Variants in BCAN observed in about 807,000 individuals in gnomAD.
The protein encoded by BCAN is brevican, also known as brevican core protein.
A neutral mutation model predicts 92.4 loss-of-function variants in BCAN; 51 were observed. That is an observed-to-expected ratio of 0.55 (90% confidence interval 0.44 to 0.70). The LOEUF (loss-of-function observed/expected upper bound fraction) is 0.70, where lower values mean the gene tolerates loss of function less well. Among genes scored for constraint, BCAN ranks in the 30% least tolerant of loss-of-function variants. BCAN has a pLI of 0.00. For missense variants in BCAN, 1,140 were observed against 1,212.1 expected (o/e 0.94, Z 0.88); for synonymous variants, 501 against 505.2 (o/e 0.99, Z 0.11).
rs552970953 is a variant in BCAN at position 156,658,448 on chromosome 1, T to C, written c.2438-95T>C. On this transcript the variant is annotated intron_variant, in intron 12 of 13. Coordinates refer to ENST00000329117, the MANE Select transcript of BCAN (RefSeq NM_021948.5). The surrounding 1 kb of genome is among the most constrained non-coding windows in gnomAD (Gnocchi z 4.4). ...CCACTCGGAATCCCTGATCTTTTTT[T>C]GTCATGTTGTGGCCCATTTTTCTCT... 2.7e-6 allele frequency: 4 copies of C among 1,494,442 alleles called. No homozygotes were observed. The highest frequency in any genetic ancestry group is 3.6e-6 in the Non-Finnish European group (4 of 1,110,988). 92.6% of individuals were successfully genotyped at this position (1,494,442 alleles called of 1,614,324 possible).
intron 11 of BCAN, 72 bp downstream of exon 11, chr1:156,657,829 C>T (rs1679389901): frequency 7.9e-7 from 1 of 1,268,138 alleles, no homozygotes. Context: ...ACCACCCCCA[C>T]CCCTCCCGAC....
Position 156,659,271 on chromosome 1 carries a change from A to G in BCAN, c.*137A>G, listed in dbSNP as rs1679452349. 1 of 680,956 alleles carries G rather than the reference A, an allele frequency of 1.5e-6. No individual in the cohort carries two copies. The highest frequency in any genetic ancestry group is 1.8e-5 in the African/African-American group (1 of 54,800). The allele number at this position is 680,956 out of a possible 1,614,324, so 42.2% of individuals were successfully genotyped here. A position where few individuals can be genotyped will look rare whatever the true frequency, so the allele number is the denominator to read the frequency against. On this transcript the variant is annotated 3_prime_UTR_variant, in exon 14 of 14. Coordinates refer to ENST00000329117, the MANE Select transcript of BCAN (RefSeq NM_021948.5). ...CTGGAGTCCAGGTGACAGTTCCTGAAGGGGCTTCTGGGAAATACCTAGGAG... is the reference window on the plus strand; with the variant it reads ...CTGGAGTCCAGGTGACAGTTCCTGAGGGGGCTTCTGGGAAATACCTAGGAG...
Position 156,647,503 on chromosome 1 carries a change from C to G in BCAN, c.467-5C>G. The stretch of plus-strand genomic sequence containing the variant: ...CCTGGCTCAGGGGTCCTCTCTGCCC[C>G]ACAGGGGTCGTCTTTCTCTACCGAG... On this transcript the variant is annotated splice_polypyrimidine_tract_variant and splice_region_variant and intron_variant, in intron 3 of 13. Coordinates refer to ENST00000329117, the MANE Select transcript of BCAN (RefSeq NM_021948.5). The surrounding 1 kb of genome is among the most constrained non-coding windows in gnomAD (Gnocchi z 4.8). 2 of 1,553,708 alleles carry G rather than the reference C, an allele frequency of 1.3e-6. No homozygotes were observed. The highest frequency in any genetic ancestry group is 1.7e-6 in the Non-Finnish European group (2 of 1,152,230).
chr1:156,651,792 C>A, intron 7 of BCAN, 103 bp downstream of exon 7: 2 of 1,063,704 alleles, frequency 1.9e-6, no homozygotes, highest in Non-Finnish European at 1.4e-6. Context: ...CATGACTCTG[C>A]CCTGTCCTTT....
intron 10 of BCAN, 91 bp from the exon 11 acceptor site, chr1:156,657,584 T>C: frequency 1.9e-6 from 2 of 1,033,052 alleles, no homozygotes; most frequent in South Asian, 1.5e-5. Context: ...CGGGGAAGGG[T>C]TTCCAAGGCA....
At chr1:156,655,750 T>C (rs999733345) in intron 8 of BCAN, among the ~76,000 whole-genome samples, 19 of 152,120 alleles carry the variant, frequency 1.2e-4, no homozygotes, top group African/African-American at 4.3e-4. Flanking sequence ...AGTCAAGGGA[T>C]ACCACCCTCC....
intron 2 of BCAN, 170 bp from the exon 3 acceptor site, chr1:156,646,631 C>G (rs1678974640): frequency 2.6e-6 from 3 of 1,173,562 alleles, no homozygotes; most frequent in African/African-American, 3.2e-5. Flanking sequence ...CCTGGAGGAC[C>G]TAGAGGTAGG....
At chr1:156,657,246 TTC>T (rs1282616653) in intron 10 of BCAN, 150 bp downstream of exon 10, 1 of 1,038,250 alleles carries the variant, frequency 9.6e-7, no homozygotes, top group East Asian at 2.7e-5. Flanking sequence ...CCCCTTCTCA[TTC>T]TCTCTCCCTT....
chr1:156,647,268 AG>A lies in BCAN; in HGVS notation c.466+95del. ...ATCCCACAGTGTGAGAGGGAAGCAA[AG>A]GTAGCTGGAAGGCGCAGCCTGGGTT... is the stretch of plus-strand genomic sequence containing the variant. On this transcript the variant is annotated intron_variant, in intron 3 of 13. Transcript: ENST00000329117. This position sits in a 1 kb window ranked among gnomAD's most constrained non-coding sequence, Gnocchi z 4.8. The A allele has an allele frequency of 7.1e-7, 1 of 1,410,370 alleles. No homozygotes were observed. Among genetic ancestry groups the A allele is most frequent in the Non-Finnish European group, 9.4e-7 (1 of 1,064,118 alleles). The allele number at this position is 1,410,370 out of a possible 1,614,324, so 87.4% of individuals were successfully genotyped here.
In BCAN at chr1:156,647,687, G is replaced by A; in HGVS notation, c.641+5G>A. ...GCTGTCGGATCAGACCGTGAGGTGG[G>A]CAGGGGCTGTGGATTGGGGCTTCTA... On this transcript the variant is annotated splice_donor_5th_base_variant and intron_variant, in intron 4 of 13. Coordinates refer to ENST00000329117, the MANE Select transcript of BCAN (RefSeq NM_021948.5). The surrounding 1 kb of genome is among the most constrained non-coding windows in gnomAD (Gnocchi z 4.8). 6.3e-7 allele frequency: 1 copy of A among 1,579,706 alleles called. No individual in the cohort carries two copies. Among genetic ancestry groups the A allele is most frequent in the Non-Finnish European group, 8.6e-7 (1 of 1,161,198 alleles).
chr1:156,646,903 C>A lies in BCAN; in HGVS notation c.194C>A (p.Pro65Gln). Residue 65 changes from proline to glutamine, a missense_variant, in exon 3 of 14, where the codon CCG becomes CAG. Transcript: ENST00000329117. Reference sequence around the variant, plus strand: ...TGCCACGTCCACTACCTGCGGCCACCGCCGAGCCGCCGGGCTGTGCTGGGC... The same window carrying A: ...TGCCACGTCCACTACCTGCGGCCACAGCCGAGCCGCCGGGCTGTGCTGGGC... ...IPCHVHYLRP[P>Q]PSRRAVLGSP... 6.2e-7 allele frequency: 1 copy of A among 1,611,174 alleles called. No individual in the cohort carries two copies. Among genetic ancestry groups the A allele is most frequent in the South Asian group, 1.1e-5 (1 of 90,998 alleles).
rs1678840114 is a variant in BCAN, at chr1:156,642,979, C to T, written c.-9+704C>T. ...TCGGTTACCACTATTGCATTCCTTC[C>T]TAGCACTGCCAGGGGCCTGGGAATT... On this transcript the variant is annotated intron_variant, in intron 1 of 13. Coordinates refer to ENST00000329117, the MANE Select transcript of BCAN (RefSeq NM_021948.5). The surrounding 1 kb of genome is among the most constrained non-coding windows in gnomAD (Gnocchi z 4.2). 6.6e-6 allele frequency: 1 copy of T among 152,204 alleles called. No individual in the cohort carries two copies. The highest frequency in any genetic ancestry group is 2.1e-4 in the South Asian group (1 of 4,834). 9.4% of individuals were successfully genotyped at this position (152,204 alleles called of 1,614,324 possible). A position where few individuals can be genotyped will look rare whatever the true frequency, so the allele number is the denominator to read the frequency against.
chr1:156,647,463 C>T lies in BCAN; in HGVS notation c.467-45C>T, dbSNP rs772411966. On this transcript the variant is annotated intron_variant, in intron 3 of 13. Transcript: ENST00000329117. The surrounding 1 kb of genome is among the most constrained non-coding windows in gnomAD (Gnocchi z 4.8). ...GACAAGGAGGGTGAGGGGAGGCCAG[C>T]GTGCTGGGTGCTCACCTGGCTCAGG... 1.1e-5 allele frequency: 17 copies of T among 1,499,604 alleles called. No homozygotes were observed. The highest frequency in any genetic ancestry group is 4.0e-5 in the South Asian group (3 of 75,052). The allele number at this position is 1,499,604 out of a possible 1,614,324, so 92.9% of individuals were successfully genotyped here.
At chr1:156,652,977 T>C in intron 8 of BCAN, 85 bp downstream of exon 8, 1 of 1,566,274 alleles carries the variant, frequency 6.4e-7, no homozygotes. Context: ...CCTGTAGTCC[T>C]TTAACCCACC....
chr1:156,656,526 T>C, intron 9 of BCAN, 137 bp downstream of exon 9: 1 of 636,996 alleles, frequency 1.6e-6, no homozygotes, highest in Non-Finnish European at 2.4e-6. Flanking sequence ...GCATAACTTC[T>C]TTGAGTCCTA....
At chr1:156,646,715 G>A in intron 2 of BCAN, 86 bp from the exon 3 acceptor site, 1 of 1,493,408 alleles carries the variant, frequency 6.7e-7, no homozygotes, top group South Asian at 1.4e-5. Flanking sequence ...CCGGAAGGAG[G>A]GATCCTGGAG....
Position 156,658,081 on chromosome 1 carries a change from G to C in BCAN, c.2293-46G>C. Reference sequence around the variant, plus strand: ...CCCAGATCCTCTAGGCCCTCTCCCGGTGCTCCTGGTGTAGGAGCTCCTCAC... The same window carrying C: ...CCCAGATCCTCTAGGCCCTCTCCCGCTGCTCCTGGTGTAGGAGCTCCTCAC... On this transcript the variant is annotated intron_variant, in intron 11 of 13. Coordinates refer to ENST00000329117, the MANE Select transcript of BCAN (RefSeq NM_021948.5). This position sits in a 1 kb window ranked among gnomAD's most constrained non-coding sequence, Gnocchi z 4.4. The C allele has an allele frequency of 6.3e-7, 1 of 1,598,730 alleles. No individual in the cohort carries two copies. Among genetic ancestry groups the C allele is most frequent in the African/African-American group, 1.3e-5 (1 of 74,740 alleles).
intron 2 of BCAN, chr1:156,646,470 G>A: frequency 1.4e-5 from 7 of 498,952 alleles, no homozygotes; most frequent in Non-Finnish European, 2.5e-5. Context: ...AACTGGGCTG[G>A]AGGACTCAGG....
Position 156,642,311 on chromosome 1 carries a change from G to A in BCAN, c.-9+36G>A, listed in dbSNP as rs562963162. The stretch of plus-strand genomic sequence containing the variant: ...CCGCAGCCCCGCCGCCCGCCGTGGG[G>A]TCGGGGACAGGGAGAAGGGAGTGCC... On this transcript the variant is annotated intron_variant, in intron 1 of 13. Transcript: ENST00000329117. This position sits in a 1 kb window ranked among gnomAD's most constrained non-coding sequence, Gnocchi z 4.2. 2 of 152,556 alleles carry A rather than the reference G, an allele frequency of 1.3e-5. No individual in the cohort carries two copies. Among genetic ancestry groups the A allele is most frequent in the African/African-American group, 4.8e-5 (2 of 41,576 alleles). 9.5% of individuals were successfully genotyped at this position (152,556 alleles called of 1,614,324 possible).
Sources: gnomAD v4.1 joint callset for allele counts (sites outside exome capture counted in the v4.1 genomes callset) on GRCh38, gnomAD v4.1.1 for gene constraint, Gnocchi (gnomAD v3.1) non-coding constraint, MANE v1.5 for transcripts, NCBI Gene and HGNC (gene_info 2026-07-23, HGNC 2026-07-21) for gene names.